COL4A5: variants seen among roughly 807,000 people sequenced by gnomAD.
COL4A5 encodes the protein collagen type IV alpha 5 chain.
A neutral mutation model predicts 130.2 loss-of-function variants in COL4A5; 26 were observed. The observed-to-expected ratio is 0.20, with a 90% CI of 0.15 to 0.28. The LOEUF (loss-of-function observed/expected upper bound fraction) is 0.28, where lower values mean the gene tolerates loss of function less well. COL4A5 is among the 10% of genes least tolerant of loss of function. The pLI, the probability that COL4A5 is intolerant of heterozygous loss-of-function variation, is 1.00. For synonymous variants in COL4A5, 496 were observed against 439.6 expected, an observed-to-expected ratio of 1.13 and a Z score of -1.60; for missense variants, 1,131 against 1,344.3, an observed-to-expected ratio of 0.84 and a Z score of 2.48.
chrX:108,558,117 T>C (rs2065851717), intron 2 of COL4A5, among the ~76,000 whole-genome samples: 1 of 83,994 alleles, frequency 1.2e-5, no homozygotes, highest in African/African-American at 4.6e-5. Flanking sequence ...ATGTTCCCCT[T>C]CCTGTGTCCA....
intron 21 of COL4A5, among the ~76,000 whole-genome samples, chrX:108,593,296 A>G (rs2066464129): frequency 3.6e-5 from 4 of 111,199 alleles, no homozygotes; most frequent in African/African-American, 9.8e-5. Context: ...ATTATGAACT[A>G]TTTCCTTACA....
intron 36 of COL4A5, among the ~76,000 whole-genome samples, chrX:108,646,335 G>A (rs113671514): frequency 0.1 from 11,510 of 111,636 alleles, 1,273 homozygotes; most frequent in African/African-American, 0.33. Context: ...GGCCAGTGAG[G>A]ATAAGCATTT....
chrX:108,570,527 AT>A (rs2066047789), intron 6 of COL4A5, among the ~76,000 whole-genome samples: 1 of 112,271 alleles, frequency 8.9e-6, no homozygotes, highest in African/African-American at 3.2e-5. Flanking sequence ...TATTATGCAT[AT>A]TTTTAAAGTC....
intron 1 of COL4A5, among the ~76,000 whole-genome samples, chrX:108,473,518 A>G (rs1429893979): frequency 9.6e-6 from 1 of 103,798 alleles, no homozygotes; most frequent in African/African-American, 3.5e-5. Flanking sequence ...AGTTTTTAAC[A>G]AAAAGTTTTA....
At chrX:108,685,343 C>T (rs1019568069) in intron 47 of COL4A5, among the ~76,000 whole-genome samples, 2 of 112,354 alleles carry the variant, frequency 1.8e-5, no homozygotes, top group Non-Finnish European at 3.8e-5. Context: ...CAGACCACCA[C>T]AAGTTCCATT....
intron 1 of COL4A5, among the ~76,000 whole-genome samples, chrX:108,494,229 G>A (rs1235471373): frequency 1.8e-5 from 2 of 111,117 alleles, no homozygotes; most frequent in Admixed American, 9.6e-5. Flanking sequence ...CTTTCAGGTG[G>A]CCCCTAATTT....
intron 1 of COL4A5, among the ~76,000 whole-genome samples, chrX:108,493,338 T>C (rs969864353): frequency 1.4e-4 from 16 of 111,593 alleles, no homozygotes; most frequent in South Asian, 1.1e-3. Context: ...GCGACTTCAG[T>C]AGAATAAGTT....
At chrX:108,599,791 A>G (rs980458563) in intron 25 of COL4A5, among the ~76,000 whole-genome samples, 1 of 112,211 alleles carries the variant, frequency 8.9e-6, no homozygotes. Context: ...AGTAGTTGCT[A>G]CAGAGACTGG....
chrX:108,468,082 A>G (rs1198465693), intron 1 of COL4A5, among the ~76,000 whole-genome samples: 1 of 111,936 alleles, frequency 8.9e-6, no homozygotes, highest in Admixed American at 9.5e-5. Flanking sequence ...TCTTATACAC[A>G]TAGCCTCAAG....
At chrX:108,674,656 C>A in intron 42 of COL4A5, 89 bp from the exon 43 acceptor site, 1 of 936,092 alleles carries the variant, frequency 1.1e-6, no homozygotes, top group Non-Finnish European at 1.5e-6. Flanking sequence ...ATGTGAACCA[C>A]TTCTAACTCA....
intron 2 of COL4A5, among the ~76,000 whole-genome samples, chrX:108,547,910 G>A (rs578132442): frequency 8.9e-6 from 1 of 112,122 alleles, no homozygotes; most frequent in Non-Finnish European, 1.9e-5. Context: ...CTCCGAGCCA[G>A]GCACGGGATA....
At chrX:108,493,655 G>C (rs1483630187) in intron 1 of COL4A5, among the ~76,000 whole-genome samples, 1 of 110,414 alleles carries the variant, frequency 9.1e-6, no homozygotes, top group Non-Finnish European at 1.9e-5. Context: ...GGATAATGTA[G>C]CTTCTCACTT....
intron 1 of COL4A5, among the ~76,000 whole-genome samples, chrX:108,493,052 T>C (rs1053775062): frequency 8.9e-6 from 1 of 111,933 alleles, no homozygotes; most frequent in African/African-American, 3.2e-5. Context: ...CAGTTGACTA[T>C]CATTTTCATC....
chrX:108,592,480 G>A (rs2066452399), intron 21 of COL4A5, among the ~76,000 whole-genome samples: 1 of 109,664 alleles, frequency 9.1e-6, no homozygotes. Flanking sequence ...ATTCTCATTT[G>A]CAACAAAACT....
In COL4A5 at chrX:108,622,652, T is replaced by C. The variant is rs373449364; in HGVS notation, c.2768-24T>C. ...TTTGATGGATAAAATTGATATATTG[T>C]GTTTTCACACACATTGATTTTAGGT... On this transcript the variant is annotated intron_variant, in intron 32 of 52. Coordinates refer to ENST00000328300, the MANE Select transcript of COL4A5 (RefSeq NM_033380.3). The C allele has an allele frequency of 3.3e-6, 4 of 1,203,008 alleles. No individual in the cohort carries two copies. In the African/African-American group the frequency reaches 7.0e-5, roughly 21 times the overall value.
At chrX:108,552,518 T>A (rs766338949) in intron 2 of COL4A5, among the ~76,000 whole-genome samples, 5 of 112,126 alleles carry the variant, frequency 4.5e-5, no homozygotes, top group Non-Finnish European at 9.4e-5. Flanking sequence ...TAAATTGGAA[T>A]TATAATAGTG....
chrX:108,584,509 C>G lies in COL4A5; in HGVS notation c.1016C>G (p.Pro339Arg). The change falls in exon 18 of 53, where the codon CCT (proline) becomes CGT (arginine). Residue 339 changes from proline (P) to arginine (R), a missense_variant. Transcript: ENST00000328300. ...GGCCAAAAAGGTGACACTGGCCCACCTGGACCTCCTGGACTTGTAAGTTTT... is the reference window on the plus strand; with the variant it reads ...GGCCAAAAAGGTGACACTGGCCCACGTGGACCTCCTGGACTTGTAAGTTTT... ...EKGQKGDTGP[P>R]GPPGLVIPRP... 8.3e-7 allele frequency: 1 copy of G among 1,202,684 alleles called. No homozygotes were observed. Among genetic ancestry groups the G allele is most frequent in the East Asian group, 3.0e-5 (1 of 33,717 alleles).
intron 1 of COL4A5, among the ~76,000 whole-genome samples, chrX:108,528,804 G>T (rs1207749626): frequency 1.8e-5 from 2 of 112,451 alleles, no homozygotes; most frequent in African/African-American, 6.5e-5. Flanking sequence ...GCGAAGCTTT[G>T]TGTCATTTGG....
rs1374012627 is a variant in COL4A5 at position 108,581,155 on chromosome X, A to T, written c.936+128A>T. 6.8e-6 allele frequency: 4 copies of T among 591,129 alleles called. No homozygotes were observed. The Admixed American group carries it at 1.1e-4, about 17-fold the overall frequency. The allele number at this position is 591,129 out of a possible 1,213,427, so 48.7% of individuals were successfully genotyped here. A position where few individuals can be genotyped will look rare whatever the true frequency, so the allele number is the denominator to read the frequency against. ...GAAATAGTTTAAATGAATTGAAATT[A>T]TCCAGTCTTTGTCTTTTGAATATAA... On this transcript the variant is annotated intron_variant, in intron 16 of 52. Coordinates refer to ENST00000328300, the MANE Select transcript of COL4A5 (RefSeq NM_033380.3).
Sources: allele counts gnomAD v4.1 joint callset (sites outside exome capture counted in the v4.1 genomes callset), GRCh38; gene constraint gnomAD v4.1.1; transcripts MANE v1.5; gene names NCBI Gene and HGNC (gene_info 2026-07-23, HGNC 2026-07-21).